The following TAFA2 variants were observed in gnomAD, a reference collection of about 807,000 sequenced individuals.
TAFA2 encodes TAFA chemokine like family member 2, also known as chemokine-like protein TAFA-2.
Under a neutral mutation model 18.8 loss-of-function variants are expected in TAFA2, and 7 were observed. That is an observed-to-expected ratio of 0.37 (90% CI 0.21 to 0.70). The LOEUF is 0.70. Ranked by LOEUF, TAFA2 falls within the 30% of genes least tolerant of loss-of-function variation. The pLI is 0.53. For synonymous variants in TAFA2, 60 were observed against 54.2 expected, an observed-to-expected ratio of 1.11 and a Z score of -0.47; for missense variants, 122 against 158.1, an observed-to-expected ratio of 0.77 and a Z score of 1.23.
chr12:62,055,717 A>C (rs1882171466), intron 1 of TAFA2, among the ~76,000 whole-genome samples: 1 of 152,216 alleles, frequency 6.6e-6, no homozygotes, highest in African/African-American at 2.4e-5. Flanking sequence ...AATCCCCAGA[A>C]TCAAAGCAGT....
intron 2 of TAFA2, 27 bp downstream of exon 2, chr12:61,867,293 G>C: frequency 7.4e-7 from 1 of 1,355,156 alleles, no homozygotes; most frequent in Non-Finnish European, 1.0e-6. Context: ...TCCACATTTA[G>C]TTGAAAAAAA....
Position 62,029,811 on chromosome 12 carries a change from A to ATCTCTC in TAFA2, c.-2+161442_-2+161447dup, listed in dbSNP as rs71450570. ...GAAGAACCACATTAAATGTCTTCCT[A>ATCTCTC]TCTCTCTCTCTCTCTCTCTCTCTCT... On this transcript the variant is annotated intron_variant, in intron 1 of 4. Transcript: ENST00000416284. Among the ~76,000 whole-genome samples, 539 of 145,988 alleles carry ATCTCTC rather than the reference A, an allele frequency of 3.7e-3. 2 individuals carry two copies. The highest frequency in any genetic ancestry group is 9.5e-3 in the South Asian group (43 of 4,508).
chr12:61,921,066 C>G (rs186586002), intron 1 of TAFA2, among the ~76,000 whole-genome samples: 3 of 152,244 alleles, frequency 2.0e-5, no homozygotes, highest in Admixed American at 6.5e-5. Flanking sequence ...TGGGAACCAA[C>G]ATCAGAAAGA....
chr12:62,025,528 T>G (rs1411096125), intron 1 of TAFA2, among the ~76,000 whole-genome samples: 2 of 152,162 alleles, frequency 1.3e-5, no homozygotes, highest in Non-Finnish European at 2.9e-5. Context: ...AGGAAATAGA[T>G]TTTTTAAATA....
At chr12:62,222,786 T>C (rs2136979699) in intron 1 of TAFA2, among the ~76,000 whole-genome samples, 1 of 152,124 alleles carries the variant, frequency 6.6e-6, no homozygotes, top group South Asian at 2.1e-4. Flanking sequence ...AGTGCTGGGA[T>C]TACAGGCGTG....
rs563256150 is a variant in TAFA2 at position 61,942,111 on chromosome 12, C to T, written c.-1-74685G>A. Reference sequence around the variant, plus strand: ...CAGCACGCAGCTGGAGATCTGAGAACGGGCAGACTGCCTCCTCAAGTGGGT... The same window carrying T: ...CAGCACGCAGCTGGAGATCTGAGAATGGGCAGACTGCCTCCTCAAGTGGGT... On this transcript the variant is annotated intron_variant, in intron 1 of 4. Transcript: ENST00000416284. Among the ~76,000 whole-genome samples, 233 of 151,106 alleles carry T rather than the reference C, an allele frequency of 1.5e-3. 3 individuals are homozygous for T. The highest frequency in any genetic ancestry group is 4.5e-3 in the East Asian group (23 of 5,124).
intron 1 of TAFA2, among the ~76,000 whole-genome samples, chr12:62,036,707 T>A (rs1037039627): frequency 2.0e-5 from 3 of 152,230 alleles, no homozygotes; most frequent in Non-Finnish European, 4.4e-5. Flanking sequence ...AATGATTATA[T>A]ACATATATTA....
At chr12:62,249,237 A>G (rs1033367709) in intron 1 of TAFA2, among the ~76,000 whole-genome samples, 2 of 150,574 alleles carry the variant, frequency 1.3e-5, no homozygotes. Flanking sequence ...AATTCTTGGT[A>G]AACAACTTAG....
intron 2 of TAFA2, among the ~76,000 whole-genome samples, chr12:61,811,775 A>T (rs1468885551): frequency 6.6e-6 from 1 of 151,392 alleles, no homozygotes; most frequent in East Asian, 1.9e-4. Flanking sequence ...TTTCAAGTGG[A>T]CACATAAATA....
chr12:61,848,552 G>C (rs1284506139), intron 2 of TAFA2, among the ~76,000 whole-genome samples: 1 of 152,044 alleles, frequency 6.6e-6, no homozygotes, highest in Non-Finnish European at 1.5e-5. Flanking sequence ...TTTACTGTAT[G>C]TTTTTACTGA....
intron 4 of TAFA2, among the ~76,000 whole-genome samples, chr12:61,740,265 G>A (rs1441715334): frequency 1.3e-5 from 2 of 151,946 alleles, no homozygotes; most frequent in African/African-American, 4.8e-5. Flanking sequence ...TCACTCATAA[G>A]TGGGAGTTGA....
At chr12:61,994,640 C>A (rs955708542) in intron 1 of TAFA2, among the ~76,000 whole-genome samples, 2 of 152,068 alleles carry the variant, frequency 1.3e-5, no homozygotes, top group African/African-American at 2.4e-5. Context: ...TTGTTCTGGT[C>A]AAAGTCACCA....
intron 2 of TAFA2, among the ~76,000 whole-genome samples, chr12:61,855,147 G>A (rs980394002): frequency 2.0e-5 from 3 of 152,092 alleles, no homozygotes; most frequent in African/African-American, 7.2e-5. Flanking sequence ...AGTTTGTCTT[G>A]GCAATAAGCT....
intron 2 of TAFA2, among the ~76,000 whole-genome samples, chr12:61,861,921 T>G (rs974121011): frequency 6.6e-6 from 1 of 152,228 alleles, no homozygotes; most frequent in East Asian, 1.9e-4. Context: ...TGTATTACAA[T>G]GAAGATAACA....
intron 1 of TAFA2, among the ~76,000 whole-genome samples, chr12:62,040,976 C>A (rs1282849258): frequency 1.3e-5 from 2 of 152,036 alleles, no homozygotes; most frequent in Non-Finnish European, 2.9e-5. Flanking sequence ...GCACTTGAGC[C>A]GTGAACAAGA....
At chr12:62,118,980 T>C (rs527312016) in intron 1 of TAFA2, among the ~76,000 whole-genome samples, 261 of 152,264 alleles carry the variant, frequency 1.7e-3, no homozygotes, top group Non-Finnish European at 3.3e-3. Flanking sequence ...AGTTAACATG[T>C]TTTATGCCTT....
intron 1 of TAFA2, among the ~76,000 whole-genome samples, chr12:62,058,895 CGATCGA>C (rs1882261549): frequency 6.6e-6 from 1 of 152,034 alleles, no homozygotes; most frequent in Non-Finnish European, 1.5e-5. Flanking sequence ...CGAGGCCAGG[CGATCGA>C]GACTATCCTG....
chr12:62,081,403 T>G (rs1868320903), intron 1 of TAFA2, among the ~76,000 whole-genome samples: 1 of 152,166 alleles, frequency 6.6e-6, no homozygotes, highest in Admixed American at 6.5e-5. Flanking sequence ...ATAAATATTT[T>G]TCCACAGCAA....
chr12:62,212,539 C>T (rs1241118866), intron 1 of TAFA2, among the ~76,000 whole-genome samples: 2 of 152,156 alleles, frequency 1.3e-5, no homozygotes, highest in African/African-American at 4.8e-5. Flanking sequence ...CTACCAAAGT[C>T]GTCTGACATC....
Sources: gnomAD v4.1 joint callset for allele counts (sites outside exome capture counted in the v4.1 genomes callset) on GRCh38, gnomAD v4.1.1 for gene constraint, MANE v1.5 for transcripts, NCBI Gene and HGNC (gene_info 2026-07-23, HGNC 2026-07-21) for gene names.